NPLOC4: variants seen among roughly 807,000 people sequenced by gnomAD.
NPLOC4 encodes NPL4 homolog, ubiquitin recognition factor.
A neutral mutation model predicts 80.6 loss-of-function variants in NPLOC4; 18 were observed. That is an observed-to-expected ratio of 0.22 (90% CI 0.15 to 0.33). The LOEUF is 0.33. Among genes scored for constraint, NPLOC4 ranks in the 10% least tolerant of loss-of-function variants. NPLOC4 has a pLI of 1.00. For synonymous variants in NPLOC4, 313 were observed against 301.5 expected, an observed-to-expected ratio of 1.04 and a Z score of -0.39; for missense variants, 540 against 786.1, an observed-to-expected ratio of 0.69 and a Z score of 3.74.
At chr17:81,619,187 C>T (rs551532697) in intron 3 of NPLOC4, among the ~76,000 whole-genome samples, 458 of 142,640 alleles carry the variant, frequency 3.2e-3, no homozygotes, top group South Asian at 0.019. Context: ...GAGAAACACC[C>T]AAGAATGATC....
chr17:81,617,117 C>T (rs979988700), intron 3 of NPLOC4, among the ~76,000 whole-genome samples: 7 of 152,246 alleles, frequency 4.6e-5, no homozygotes, highest in East Asian at 3.9e-4. Flanking sequence ...TCTCACAGCC[C>T]GGATAGGGAG....
rs901442990 is a variant in NPLOC4, at chr17:81,607,220, T to C, written c.531-406A>G. 9.2e-5 allele frequency among the ~76,000 whole-genome samples: 14 copies of C among 152,334 alleles called. 1 individual carries two copies. Among genetic ancestry groups the C allele is most frequent in the Admixed American group, 9.2e-4 (14 of 15,300 alleles). ...CTTTGACATTAGCCCAGTACTTAGATATTTGTAAAAAATTCTTATTCATGG... is the reference window on the plus strand; with the variant it reads ...CTTTGACATTAGCCCAGTACTTAGACATTTGTAAAAAATTCTTATTCATGG... On this transcript the variant is annotated intron_variant, in intron 6 of 16. Transcript: ENST00000331134.
At chr17:81,598,351 G>C (rs1188445859) in intron 9 of NPLOC4, among the ~76,000 whole-genome samples, 1 of 152,078 alleles carries the variant, frequency 6.6e-6, no homozygotes, top group Non-Finnish European at 1.5e-5. Context: ...ACCATGCTGG[G>C]TGCAAGAGAC....
At chr17:81,564,099 C>G (rs1026597005) in intron 16 of NPLOC4, 2 of 339,296 alleles carry the variant, frequency 5.9e-6, no homozygotes, top group Non-Finnish European at 5.8e-6. Context: ...CACACACACA[C>G]ACACACACAC....
rs376992052 is a variant in NPLOC4 at position 81,600,357 on chromosome 17, T to A, written c.905A>T (p.Lys302Ile). Residue 302 changes from lysine (K) to isoleucine (I), a missense_variant, in exon 9 of 17, where the codon AAA (lysine) becomes ATA (isoleucine). Physicochemically the swap from Lys to Ile is moderately radical, Grantham distance 102 (BLOSUM62 -3). Around this residue, in one of 6 missense-constraint regions of NPLOC4, gnomAD observed 251 missense variants for 377.5 expected, o/e 0.66. Coordinates refer to ENST00000331134, the MANE Select transcript of NPLOC4 (RefSeq NM_017921.4). ...KAEVVDEIAA[K>I]LGLRKVGWIF... is the part of the protein sequence containing the mutation. ...CCTCAGTACCTTCCGCAGGCCAAGT[T>A]TGGCAGCAATTTCATCGACCACTTC... 2.7e-5 allele frequency: 44 copies of A among 1,611,558 alleles called. No individual in the cohort carries two copies. The highest frequency in any genetic ancestry group is 8.9e-5 in the East Asian group (4 of 44,850).
At chr17:81,626,865 G>A (rs185269895) in intron 2 of NPLOC4, among the ~76,000 whole-genome samples, 21 of 151,842 alleles carry the variant, frequency 1.4e-4, no homozygotes, top group East Asian at 9.7e-4. Context: ...TGAGGCGGGC[G>A]GATCACCTGA....
chr17:81,583,613 A>G (rs2034499285), intron 12 of NPLOC4, among the ~76,000 whole-genome samples: 1 of 152,152 alleles, frequency 6.6e-6, no homozygotes, highest in African/African-American at 2.4e-5. Flanking sequence ...GTGTACACCC[A>G]TATGCTTTCC....
chr17:81,634,618 C>T (rs1355370737), intron 1 of NPLOC4, among the ~76,000 whole-genome samples: 17 of 148,878 alleles, frequency 1.1e-4, no homozygotes. Context: ...GACAGTCTTG[C>T]TCTGTCGCCC....
intron 11 of NPLOC4, among the ~76,000 whole-genome samples, chr17:81,592,093 G>A (rs187037026): frequency 1.3e-5 from 2 of 152,296 alleles, no homozygotes; most frequent in Admixed American, 1.3e-4. Flanking sequence ...AGGGGAGGAA[G>A]GACAGATGCA....
intron 16 of NPLOC4, chr17:81,563,276 T>C (rs1391319633): frequency 1.3e-5 from 2 of 151,942 alleles, no homozygotes; most frequent in Admixed American, 1.3e-4. Flanking sequence ...GGTTTCACCA[T>C]GTTGGCCAGG....
At chr17:81,630,886 G>T (rs945723262) in intron 1 of NPLOC4, among the ~76,000 whole-genome samples, 7 of 151,080 alleles carry the variant, frequency 4.6e-5, no homozygotes, top group African/African-American at 1.5e-4. Flanking sequence ...CAAAAAAAGA[G>T]ATTAGGCTGG....
rs1431759867 is a variant in NPLOC4, at chr17:81,606,705, T to C, written c.640A>G (p.Thr214Ala). Residue 214 changes from threonine to alanine, a missense_variant, in exon 7 of 17, where the codon ACG becomes GCG. Physicochemically the swap from Thr to Ala is moderately conservative, Grantham distance 58. Around this residue, in one of 6 missense-constraint regions of NPLOC4, gnomAD observed 61 missense variants for 156.7 expected, o/e 0.39. Coordinates refer to ENST00000331134, the MANE Select transcript of NPLOC4 (RefSeq NM_017921.4). ...GAACATCTCACCTGTCTGTTCAGCG[T>C]GATGGCGCTCGGCTGGCACTTAGTA... ...ICTKCQPSAITLNRQKYRHVD... is the reference protein window; with the variant it reads ...ICTKCQPSAIALNRQKYRHVD... The C allele has an allele frequency of 6.2e-7, 1 of 1,613,488 alleles. No homozygotes were observed. The highest frequency in any genetic ancestry group is 2.2e-5 in the East Asian group (1 of 44,864).
Position 81,596,222 on chromosome 17 carries a change from T to G in NPLOC4, c.1014A>C (p.Ser338=). 6.2e-7 allele frequency: 1 copy of G among 1,613,418 alleles called. No homozygotes were observed. The highest frequency in any genetic ancestry group is 8.5e-7 in the Non-Finnish European group (1 of 1,179,514). ...AGTCTCCTGCAGTGATGCACTCTTC[T>G]GAACTTAGGAAATAGGTGTCCTAAG... ...SRNKDTYFLS[S]EECITAGDFQ... is the part of the protein sequence containing the mutation. Residue 338 remains serine (S), a synonymous_variant, in exon 11 of 17, where the codon TCA becomes TCC. Coordinates refer to ENST00000331134, the MANE Select transcript of NPLOC4 (RefSeq NM_017921.4).
At chr17:81,610,125 C>T (rs1285994262) in intron 5 of NPLOC4, 85 bp downstream of exon 5, 20 of 1,240,576 alleles carry the variant, frequency 1.6e-5, no homozygotes, top group Admixed American at 1.6e-4. Flanking sequence ...CAGCCAAGTG[C>T]GTGGACTCAG....
intron 12 of NPLOC4, among the ~76,000 whole-genome samples, chr17:81,575,507 GCA>G (rs2034274737): frequency 6.6e-6 from 1 of 152,246 alleles, no homozygotes; most frequent in South Asian, 2.1e-4. Context: ...CCAGCTGTGT[GCA>G]CAGAGCCACT....
At chr17:81,618,385 C>T (rs868058357) in intron 3 of NPLOC4, among the ~76,000 whole-genome samples, 3 of 150,816 alleles carry the variant, frequency 2.0e-5, no homozygotes, top group Admixed American at 1.3e-4. Flanking sequence ...TCTGCCTGGC[C>T]GCCCCGTCTG....
chr17:81,602,364 C>G (rs1421352149), intron 8 of NPLOC4, among the ~76,000 whole-genome samples: 4 of 151,730 alleles, frequency 2.6e-5, no homozygotes, highest in Non-Finnish European at 5.9e-5. Context: ...GTGGGCCACA[C>G]AGAGACCCTC....
At chr17:81,599,570 G>C (rs7405469) in intron 9 of NPLOC4, among the ~76,000 whole-genome samples, 105,490 of 152,014 alleles carry the variant, frequency 0.69, 37,605 homozygotes, top group Non-Finnish European at 0.77. Context: ...AGTCTCACCC[G>C]CTTCATCTGT....
At chr17:81,633,766 G>A (rs1369418642) in intron 1 of NPLOC4, among the ~76,000 whole-genome samples, 13 of 152,196 alleles carry the variant, frequency 8.5e-5, no homozygotes, top group South Asian at 4.1e-4. Context: ...GTGCGATGGC[G>A]CGACCTCGGT....
Sources: allele counts gnomAD v4.1 joint callset (sites outside exome capture counted in the v4.1 genomes callset), GRCh38; gene constraint gnomAD v4.1.1; regional missense constraint gnomAD v4.1.1; transcripts MANE v1.5; gene names NCBI Gene and HGNC (gene_info 2026-07-23, HGNC 2026-07-21).